The following NRG1 variants were observed in gnomAD, a reference collection of about 807,000 sequenced individuals.
NRG1 encodes neuregulin 1, also known as pro-neuregulin-1, membrane-bound isoform.
Under a neutral mutation model 63.8 loss-of-function variants are expected in NRG1, and 18 were observed. The observed-to-expected ratio is 0.28, with a 90% CI of 0.19 to 0.42. NRG1 has a LOEUF of 0.42. Ranked by LOEUF, NRG1 falls within the 10% of genes least tolerant of loss-of-function variation. The pLI, the probability that NRG1 is intolerant of heterozygous loss-of-function variation, is 1.00. For synonymous variants in NRG1, 302 were observed against 301.3 expected (o/e 1.00, Z -0.02); for missense variants, 762 against 814.7 (o/e 0.94, Z 0.79).
Position 31,640,602 on chromosome 8 carries a change from C to G in NRG1, c.37+1171C>G. 6.2e-7 allele frequency: 1 copy of G among 1,612,202 alleles called. No individual in the cohort carries two copies. Among genetic ancestry groups the G allele is most frequent in the Non-Finnish European group, 8.5e-7 (1 of 1,179,616 alleles). ...GGCTCAAGGAGGACAGCAGGTACAT[C>G]TTCTTCATGGAGCCCGACGCCAACA... On this transcript the variant is annotated intron_variant, in intron 1 of 10. Coordinates refer to the NRG1 transcript ENST00000519301. This position sits in a 1 kb window ranked among gnomAD's most constrained non-coding sequence, Gnocchi z 6.3.
intron 5 of NRG1, among the ~76,000 whole-genome samples, chr8:32,643,843 T>C (rs1036189316): frequency 6.6e-6 from 1 of 152,166 alleles, no homozygotes; most frequent in South Asian, 2.1e-4. Context: ...TTTAAGTTTG[T>C]TTACAAATTA....
intron 1 of NRG1, among the ~76,000 whole-genome samples, chr8:32,105,647 T>C (rs1485202516): frequency 6.6e-6 from 1 of 152,130 alleles, no homozygotes; most frequent in Admixed American, 6.5e-5. Context: ...TTTAAATCCC[T>C]TGAGTATCTT....
intron 1 of NRG1, among the ~76,000 whole-genome samples, chr8:31,736,338 G>A (rs1037685436): frequency 7.9e-5 from 12 of 151,892 alleles, no homozygotes; most frequent in African/African-American, 2.9e-4. Context: ...TGAGGCCTTC[G>A]CTGACTTCCC....
chr8:32,397,795 T>C (rs761137153), intron 1 of NRG1, among the ~76,000 whole-genome samples: 1 of 152,240 alleles, frequency 6.6e-6, no homozygotes, highest in African/African-American at 2.4e-5. Flanking sequence ...AGGTTTTTTA[T>C]GCATTTTCTA....
At chr8:32,366,930 T>C (rs1808138971) in intron 1 of NRG1, among the ~76,000 whole-genome samples, 1 of 152,074 alleles carries the variant, frequency 6.6e-6, no homozygotes, top group Middle Eastern at 3.4e-3. Flanking sequence ...CAGGCTGGTC[T>C]TGAACTCCTG....
chr8:31,745,569 A>G (rs149146845), intron 1 of NRG1, among the ~76,000 whole-genome samples: 116 of 152,018 alleles, frequency 7.6e-4, no homozygotes, highest in African/African-American at 2.6e-3. Context: ...TGAAAATGAG[A>G]CTGTTTTACT....
Position 32,500,625 on chromosome 8 carries a change from A to G in NRG1, c.38-95203A>G, listed in dbSNP as rs546422040. Among the ~76,000 whole-genome samples the G allele has an allele frequency of 3.9e-5, 6 of 152,324 alleles. No homozygotes were observed. The South Asian group carries it at 1.2e-3, about 32-fold the overall frequency. On this transcript the variant is annotated intron_variant, in intron 1 of 10. Transcript: ENST00000519301. ...AGATTCTTATGGAACTTAGGCAAAT[A>G]ACTATATTGCCATGAAAATTGAAAT...
intron 4 of NRG1, among the ~76,000 whole-genome samples, chr8:32,615,475 A>C (rs899216436): frequency 1.3e-5 from 2 of 152,132 alleles, no homozygotes; most frequent in African/African-American, 4.8e-5. Flanking sequence ...TACAGATGAG[A>C]AAACTGAAGT....
At chr8:32,165,629 G>A (rs1488018897) in intron 1 of NRG1, among the ~76,000 whole-genome samples, 1 of 152,158 alleles carries the variant, frequency 6.6e-6, no homozygotes, top group Non-Finnish European at 1.5e-5. Flanking sequence ...AATCAAGGAA[G>A]CAATCACAAA....
intron 1 of NRG1, among the ~76,000 whole-genome samples, chr8:32,257,664 T>C (rs1849884735): frequency 6.6e-6 from 1 of 152,168 alleles, no homozygotes; most frequent in Admixed American, 6.5e-5. Context: ...ATACACTAGA[T>C]AACTCTTGAT....
At chr8:32,530,076 T>C (rs1019588841) in intron 1 of NRG1, among the ~76,000 whole-genome samples, 1 of 152,028 alleles carries the variant, frequency 6.6e-6, no homozygotes, top group Non-Finnish European at 1.5e-5. Context: ...TGTCACTAGG[T>C]GATAGGAATT....
At chr8:31,714,222 G>A (rs1812125390) in intron 1 of NRG1, among the ~76,000 whole-genome samples, 3 of 150,516 alleles carry the variant, frequency 2.0e-5, no homozygotes, top group Admixed American at 6.6e-5. Flanking sequence ...TCTTTTCTTT[G>A]TTGCTTTTGT....
At chr8:32,683,119 A>T (rs1262292138) in intron 5 of NRG1, among the ~76,000 whole-genome samples, 1 of 152,232 alleles carries the variant, frequency 6.6e-6, no homozygotes, top group Admixed American at 6.5e-5. Context: ...GATCAGCTTT[A>T]TAAAGAAACA....
At chr8:31,799,802 C>T (rs1187248527) in intron 1 of NRG1, among the ~76,000 whole-genome samples, 1 of 151,836 alleles carries the variant, frequency 6.6e-6, no homozygotes, top group African/African-American at 2.4e-5. Flanking sequence ...AAAGAGATAC[C>T]ATATTTCTAT....
chr8:32,166,372 A>G (rs758805185), intron 1 of NRG1, among the ~76,000 whole-genome samples: 9 of 152,276 alleles, frequency 5.9e-5, no homozygotes, highest in Middle Eastern at 3.4e-3. Context: ...TAGTTTGCCA[A>G]TTGAAATGCA....
At chr8:31,960,935 G>GGTTT (rs1225817595) in intron 1 of NRG1, among the ~76,000 whole-genome samples, 2 of 152,122 alleles carry the variant, frequency 1.3e-5, no homozygotes, top group Admixed American at 6.5e-5. Flanking sequence ...ATTTACCTTA[G>GGTTT]GTTTGCTTTA....
chr8:31,890,479 T>C (rs915890132), intron 1 of NRG1, among the ~76,000 whole-genome samples: 3 of 152,032 alleles, frequency 2.0e-5, no homozygotes, highest in Admixed American at 2.0e-4. Context: ...GAGAATCCGT[T>C]TAGGAAGCTA....
chr8:32,074,978 C>T (rs1826278903), intron 1 of NRG1, among the ~76,000 whole-genome samples: 1 of 152,222 alleles, frequency 6.6e-6, no homozygotes, highest in African/African-American at 2.4e-5. Context: ...AAATAGGCTA[C>T]TTTTTTGTGG....
chr8:31,679,243 A>T (rs536163636), intron 1 of NRG1, among the ~76,000 whole-genome samples: 9 of 152,234 alleles, frequency 5.9e-5, no homozygotes, highest in African/African-American at 2.2e-4. Flanking sequence ...ATTTGTAAAC[A>T]TCTAGACACC....
Sources: gnomAD v4.1 joint callset for allele counts (sites outside exome capture counted in the v4.1 genomes callset) on GRCh38, gnomAD v4.1.1 for gene constraint, Gnocchi (gnomAD v3.1) non-coding constraint, MANE v1.5 for transcripts, NCBI Gene and HGNC (gene_info 2026-07-23, HGNC 2026-07-21) for gene names.